The following THSD7B variants were observed in gnomAD, a reference collection of about 807,000 sequenced individuals.
THSD7B encodes thrombospondin type-1 domain-containing protein 7B.
THSD7B carries 138 observed loss-of-function variants against 213.6 expected under a neutral mutation model. The ratio of observed to expected loss-of-function variants is 0.65; its 90% CI spans 0.56 to 0.74. The LOEUF (loss-of-function observed/expected upper bound fraction) is 0.74. THSD7B is among the 30% of genes least tolerant of loss of function. The probability of loss-of-function intolerance (pLI) is 0.00; values close to 1 mark genes in which losing one functional copy is unlikely to be tolerated. For missense variants in THSD7B, 1,931 were observed against 1,991.5 expected (o/e 0.97, Z 0.58); for synonymous variants, 742 against 687.0 (o/e 1.08, Z -1.25).
intron 12 of THSD7B, among the ~76,000 whole-genome samples, chr2:137,318,301 T>A (rs1162284528): frequency 6.6e-6 from 1 of 152,132 alleles, no homozygotes; most frequent in Non-Finnish European, 1.5e-5. Context: ...CTAGTCCAGG[T>A]TTAACAACCA....
intron 12 of THSD7B, among the ~76,000 whole-genome samples, chr2:137,322,471 G>A (rs2104880775): frequency 6.6e-6 from 1 of 152,204 alleles, no homozygotes; most frequent in African/African-American, 2.4e-5. Flanking sequence ...TAGTCTTCAA[G>A]AAATCCCATG....
chr2:137,104,060 C>G (rs1204634676), intron 4 of THSD7B, among the ~76,000 whole-genome samples: 2 of 152,094 alleles, frequency 1.3e-5, no homozygotes, highest in Admixed American at 6.5e-5. Context: ...ACTCTCCACT[C>G]CAAATCAACA....
intron 14 of THSD7B, among the ~76,000 whole-genome samples, chr2:137,421,792 T>C (rs890335996): frequency 6.6e-6 from 1 of 152,160 alleles, no homozygotes; most frequent in African/African-American, 2.4e-5. Flanking sequence ...AGAGATTCTG[T>C]TTCCTGAGGC....
In THSD7B at chr2:136,832,201, G is replaced by GTGTGTGTGTGTA. The variant is rs66731773; in HGVS notation, c.-35-49942_-35-49941insGTGTGTGTGTAT. ...TGTGTGTGTGTGTGTGTGTGTGTGT[G>GTGTGTGTGTGTA]TATACACACACACATATATACAATT... On this transcript the variant is annotated intron_variant, in intron 1 of 27. Transcript: ENST00000409968. 1.0e-3 allele frequency among the ~76,000 whole-genome samples: 146 copies of GTGTGTGTGTGTA among 146,498 alleles called. 2 individuals are homozygous for GTGTGTGTGTGTA. The highest frequency in any genetic ancestry group is 1.6e-3 in the Non-Finnish European group (108 of 66,592).
intron 2 of THSD7B, among the ~76,000 whole-genome samples, chr2:136,982,136 A>G (rs2104808431): frequency 6.6e-6 from 1 of 152,292 alleles, no homozygotes; most frequent in East Asian, 1.9e-4. Context: ...CCTAAATTCA[A>G]GTGATGCACC....
chr2:137,364,378 T>A (rs753393688), intron 12 of THSD7B, among the ~76,000 whole-genome samples: 3 of 152,166 alleles, frequency 2.0e-5, no homozygotes, highest in Non-Finnish European at 4.4e-5. Context: ...CAACATAGTG[T>A]TGGAAGTTCT....
intron 7 of THSD7B, among the ~76,000 whole-genome samples, chr2:137,181,156 T>C (rs923082844): frequency 1.3e-5 from 2 of 152,186 alleles, no homozygotes; most frequent in Non-Finnish European, 2.9e-5. Flanking sequence ...TAGAATTTAT[T>C]CATCAGAATG....
chr2:137,276,475 C>T (rs1163978666), intron 12 of THSD7B, among the ~76,000 whole-genome samples: 2 of 151,996 alleles, frequency 1.3e-5, no homozygotes, highest in Non-Finnish European at 2.9e-5. Flanking sequence ...ATATAATTGT[C>T]ATATACATAC....
At chr2:136,853,632 G>A (rs566495978) in intron 1 of THSD7B, among the ~76,000 whole-genome samples, 1 of 152,146 alleles carries the variant, frequency 6.6e-6, no homozygotes, top group African/African-American at 2.4e-5. Context: ...CATTTTGTGG[G>A]GAGATACTGC....
chr2:137,614,575 AAAG>A (rs1682348411), intron 17 of THSD7B, among the ~76,000 whole-genome samples: 1 of 152,174 alleles, frequency 6.6e-6, no homozygotes, highest in African/African-American at 2.4e-5. Context: ...TGCCACATGA[AAAG>A]AAGCATTCAA....
chr2:137,585,532 T>A (rs943179497), intron 17 of THSD7B, among the ~76,000 whole-genome samples: 1 of 152,194 alleles, frequency 6.6e-6, no homozygotes, highest in African/African-American at 2.4e-5. Flanking sequence ...GATTCTGGTA[T>A]GTTGTGTCTT....
At chr2:136,996,313 C>T (rs1169390235) in intron 2 of THSD7B, among the ~76,000 whole-genome samples, 2 of 151,994 alleles carry the variant, frequency 1.3e-5, no homozygotes, top group East Asian at 1.9e-4. Context: ...GTCCCTGTCT[C>T]TTTCTTTCTT....
chr2:136,888,229 G>T (rs1406780123), intron 2 of THSD7B, among the ~76,000 whole-genome samples: 5 of 152,034 alleles, frequency 3.3e-5, no homozygotes, highest in African/African-American at 1.2e-4. Flanking sequence ...AGTAGCTCAT[G>T]CTCAATGAAT....
intron 2 of THSD7B, among the ~76,000 whole-genome samples, chr2:136,948,586 G>A (rs10153749): frequency 0.074 from 11,261 of 151,980 alleles, 673 homozygotes; most frequent in African/African-American, 0.16. Flanking sequence ...GTTTACTAAC[G>A]GTATTTGTAT....
At chr2:137,201,271 GTGTGCA>G (rs1178601719) in intron 7 of THSD7B, among the ~76,000 whole-genome samples, 10 of 152,080 alleles carry the variant, frequency 6.6e-5, no homozygotes, top group Non-Finnish European at 1.5e-4. Flanking sequence ...TCTGGGGTGT[GTGTGCA>G]TGTGCATGTG....
At chr2:136,945,292 T>A (rs1467740557) in intron 2 of THSD7B, among the ~76,000 whole-genome samples, 2 of 152,154 alleles carry the variant, frequency 1.3e-5, no homozygotes, top group Non-Finnish European at 2.9e-5. Flanking sequence ...TGTGCATGTG[T>A]CACTTGGTTC....
chr2:136,797,011 C>CACACAA (rs1001212390), intron 1 of THSD7B, among the ~76,000 whole-genome samples: 1 of 149,812 alleles, frequency 6.7e-6, no homozygotes, highest in Non-Finnish European at 1.5e-5. Flanking sequence ...CACACACACA[C>CACACAA]AACCTAAAAA....
chr2:137,183,611 A>G (rs1260970163), intron 7 of THSD7B, among the ~76,000 whole-genome samples: 2 of 152,138 alleles, frequency 1.3e-5, no homozygotes, highest in African/African-American at 4.8e-5. Flanking sequence ...TGCCTTAGTA[A>G]TAGCACAATT....
chr2:137,546,131 T>A (rs887193973), intron 15 of THSD7B, among the ~76,000 whole-genome samples: 15 of 149,802 alleles, frequency 1.0e-4, no homozygotes, highest in African/African-American at 3.4e-4. Context: ...TTCATTGAGA[T>A]TTTTACTCTC....
Sources: gnomAD v4.1 joint callset for allele counts (sites outside exome capture counted in the v4.1 genomes callset) on GRCh38, gnomAD v4.1.1 for gene constraint, MANE v1.5 for transcripts, NCBI Gene and HGNC (gene_info 2026-07-23, HGNC 2026-07-21) for gene names.